The following AKR1C8 variants were observed in gnomAD, a reference collection of about 807,000 sequenced individuals.
AKR1C8 encodes aldo-keto reductase family 1 member C-like protein 1.
the AKR1C8 span, among the ~76,000 whole-genome samples, chr10:5,133,264 A>ATTTTTTTTTTTTTTTTTTT: frequency 6.6e-6 from 1 of 151,872 alleles, no homozygotes; most frequent in African/African-American, 2.4e-5. Flanking sequence ...TGCCAGTTAA[A>ATTTTTTTTTTTTTTTTTTT]TTTTTGTATT....
At chr10:5,166,185 T>G in the AKR1C8 span, among the ~76,000 whole-genome samples, 1 of 151,902 alleles carries the variant, frequency 6.6e-6, no homozygotes, top group East Asian at 1.9e-4. Context: ...ACCCCGAGAC[T>G]CTGAAGAAAA....
At chr10:5,168,977 T>C in the AKR1C8 span, among the ~76,000 whole-genome samples, 171 of 152,224 alleles carry the variant, frequency 1.1e-3, no homozygotes, top group Non-Finnish European at 1.8e-3. Context: ...TGAGATAGAC[T>C]TTAGTGAAAC....
At chr10:5,120,845 GT>G in the AKR1C8 span, among the ~76,000 whole-genome samples, 3 of 151,912 alleles carry the variant, frequency 2.0e-5, no homozygotes, top group East Asian at 1.9e-4. Context: ...TTTTATTTTA[GT>G]TTTTGGTAAT....
At chr10:5,148,117 G>A in the AKR1C8 span, among the ~76,000 whole-genome samples, 2 of 152,134 alleles carry the variant, frequency 1.3e-5, no homozygotes, top group African/African-American at 4.8e-5. Context: ...GGGACTAGGT[G>A]GCTGCTACGT....
chr10:5,127,035 A>T, the AKR1C8 span, among the ~76,000 whole-genome samples: 1 of 152,156 alleles, frequency 6.6e-6, no homozygotes, highest in South Asian at 2.1e-4. Context: ...TGACCAAACA[A>T]GATTTTGTCA....
At chr10:5,152,865 G>A in the AKR1C8 span, among the ~76,000 whole-genome samples, 2 of 152,096 alleles carry the variant, frequency 1.3e-5, no homozygotes, top group Admixed American at 1.3e-4. Context: ...TTTAATGCGG[G>A]GAGATATTTT....
At chr10:5,116,199 G>A in the AKR1C8 span, among the ~76,000 whole-genome samples, 1 of 151,956 alleles carries the variant, frequency 6.6e-6, no homozygotes, top group East Asian at 1.9e-4. Context: ...TGATAGCCCG[G>A]GTCAATCACC....
the AKR1C8 span, among the ~76,000 whole-genome samples, chr10:5,116,801 G>A: frequency 6.6e-6 from 1 of 151,630 alleles, no homozygotes; most frequent in Non-Finnish European, 1.5e-5. Flanking sequence ...TCTGCTTTTG[G>A]GTGGCCCCTG....
chr10:5,148,108 G>A, the AKR1C8 span, among the ~76,000 whole-genome samples: 1 of 152,038 alleles, frequency 6.6e-6, no homozygotes, highest in Admixed American at 6.6e-5. Flanking sequence ...AAGACTCAAG[G>A]GACTAGGTGG....
chr10:5,117,898 A>G, the AKR1C8 span, among the ~76,000 whole-genome samples: 1 of 152,162 alleles, frequency 6.6e-6, no homozygotes, highest in South Asian at 2.1e-4. Context: ...CATGACCATA[A>G]TGACTTCACT....
At chr10:5,140,047 T>C in the AKR1C8 span, among the ~76,000 whole-genome samples, 1 of 152,078 alleles carries the variant, frequency 6.6e-6, no homozygotes, top group Non-Finnish European at 1.5e-5. Flanking sequence ...CATGAAAAAA[T>C]GCTCATCATC....
At chr10:5,167,587 G>C in the AKR1C8 span, among the ~76,000 whole-genome samples, 2 of 152,160 alleles carry the variant, frequency 1.3e-5, no homozygotes, top group Non-Finnish European at 2.9e-5. Flanking sequence ...TGAACAATGA[G>C]AACACATGGA....
the AKR1C8 span, chr10:5,123,388 C>T: frequency 5.7e-4 from 191 of 333,428 alleles, no homozygotes; most frequent in African/African-American, 2.8e-3. Context: ...GCATTTTTGC[C>T]ATGACACAAA....
At chr10:5,183,406 C>A in the AKR1C8 span, among the ~76,000 whole-genome samples, 12 of 152,050 alleles carry the variant, frequency 7.9e-5, no homozygotes, top group African/African-American at 2.9e-4. Flanking sequence ...GTATCAACAA[C>A]CTCAGAATTT....
At chr10:5,141,898 C>T in the AKR1C8 span, among the ~76,000 whole-genome samples, 1 of 152,092 alleles carries the variant, frequency 6.6e-6, no homozygotes, top group East Asian at 1.9e-4. Context: ...GGAATGGGAG[C>T]TACTAACACA....
At chr10:5,152,181 A>G in the AKR1C8 span, among the ~76,000 whole-genome samples, 1 of 152,218 alleles carries the variant, frequency 6.6e-6, no homozygotes, top group East Asian at 1.9e-4. Flanking sequence ...GCAGCCCACA[A>G]AGAATTTGGG....
chr10:5,141,166 T>C, the AKR1C8 span, among the ~76,000 whole-genome samples: 3 of 152,134 alleles, frequency 2.0e-5, no homozygotes, highest in African/African-American at 7.2e-5. Flanking sequence ...CATCTCACAA[T>C]GGTTAAGAAA....
the AKR1C8 span, among the ~76,000 whole-genome samples, chr10:5,128,236 G>A: frequency 1.3e-5 from 2 of 152,022 alleles, no homozygotes; most frequent in East Asian, 1.9e-4. Context: ...AATGATGAAG[G>A]AATTTGACAT....
the AKR1C8 span, among the ~76,000 whole-genome samples, chr10:5,138,734 G>A: frequency 7.9e-5 from 12 of 152,042 alleles, no homozygotes; most frequent in South Asian, 6.2e-4. Flanking sequence ...CCCTCCATTC[G>A]GCGTCCCTGA....
Sources: gnomAD v4.1 joint callset for allele counts (sites outside exome capture counted in the v4.1 genomes callset) on GRCh38, gnomAD v4.1.1 for gene constraint, MANE v1.5 for transcripts, NCBI Gene and HGNC (gene_info 2026-07-23, HGNC 2026-07-21) for gene names.